PRADC1: variants seen among roughly 807,000 people sequenced by gnomAD.
PRADC1 encodes protease associated domain containing 1, also known as protease-associated domain-containing protein 1.
A neutral mutation model predicts 22.9 loss-of-function variants in PRADC1; 23 were observed. That is an observed-to-expected ratio of 1.00 (90% CI 0.72 to 1.42). PRADC1 has a LOEUF of 1.42. Among genes scored for constraint, PRADC1 ranks in the 40% most tolerant of loss-of-function variants. PRADC1 has a pLI of 0.00. For synonymous variants in PRADC1, 71 were observed against 100.3 expected (o/e 0.71, Z 1.75); for missense variants, 207 against 258.3 (o/e 0.80, Z 1.36).
At chr2:73,229,048 G>C in intron 3 of PRADC1, 86 bp from the exon 4 acceptor site, 1 of 1,183,432 alleles carries the variant, frequency 8.4e-7, no homozygotes, top group Non-Finnish European at 1.2e-6. Flanking sequence ...ATAGAAGGCA[G>C]ACTATGAAGA....
Position 73,228,873 on chromosome 2 carries a change from C to A in PRADC1, c.368G>T (p.Ser123Ile), listed in dbSNP as rs752650243. 3 of 1,613,608 alleles carry A rather than the reference C, an allele frequency of 1.9e-6. No homozygotes were observed. The South Asian group carries it at 3.3e-5, about 18-fold the overall frequency. ...GTCCTGGATCATCTCCACGTAGAAG[C>A]TGTCATTGTCAACTGCGTTGTCAGA... ...IISDNAVDND[S>I]FYVEMIQDST... Residue 123 changes from serine (S) to isoleucine (I), a missense_variant, in exon 4 of 5, where the codon AGC (serine) becomes ATC (isoleucine). Coordinates refer to ENST00000258083, the MANE Select transcript of PRADC1 (RefSeq NM_032319.3). The surrounding 1 kb of genome is among the most constrained non-coding windows in gnomAD (Gnocchi z 4.0).
Position 73,228,369 on chromosome 2 carries a change from A to G in PRADC1, c.*85T>C. 2 of 1,546,856 alleles carry G rather than the reference A, an allele frequency of 1.3e-6. No individual in the cohort carries two copies. The highest frequency in any genetic ancestry group is 1.2e-5 in the South Asian group (1 of 85,760). On this transcript the variant is annotated 3_prime_UTR_variant, in exon 5 of 5. Transcript: ENST00000258083. The surrounding 1 kb of genome is among the most constrained non-coding windows in gnomAD (Gnocchi z 4.0). ...CTGGCTCCACTTGTCCCCAGATGCT[A>G]TCTCCAAATTCCAAGTAGCAAAATT...
chr2:73,231,988 C>T (rs564496929), intron 1 of PRADC1, among the ~76,000 whole-genome samples: 9 of 152,290 alleles, frequency 5.9e-5, no homozygotes, highest in African/African-American at 1.9e-4. Context: ...TGTACCTGGA[C>T]TTGAGTCCCT....
intron 2 of PRADC1, chr2:73,229,789 C>T: frequency 1.7e-6 from 1 of 592,528 alleles, no homozygotes; most frequent in South Asian, 2.0e-5. Context: ...AGGCAGGGGA[C>T]TTGGTTGTAG....
chr2:73,228,400 G>A lies in PRADC1; in HGVS notation c.*54C>T. 1 of 1,607,162 alleles carries A rather than the reference G, an allele frequency of 6.2e-7. No individual in the cohort carries two copies. The highest frequency in any genetic ancestry group is 8.5e-7 in the Non-Finnish European group (1 of 1,176,872). On this transcript the variant is annotated 3_prime_UTR_variant, in exon 5 of 5. Transcript: ENST00000258083. This position sits in a 1 kb window ranked among gnomAD's most constrained non-coding sequence, Gnocchi z 4.0. ...AAATTCCAAGTAGCAAAATTCCTGG[G>A]TTTCCCCTTCCCAGCTCAGAGTCAC... is the stretch of plus-strand genomic sequence containing the variant.
At position 73,230,108 on chromosome 2, in the gene PRADC1, C is replaced by T. The variant is rs776348997; in HGVS notation, c.168+5G>A. Reference sequence around the variant, plus strand: ...ATCAGAGATCAGGGGCCTCCCTTAACTTACAAAGATACCACCAAAGTCCTT... The same window carrying T: ...ATCAGAGATCAGGGGCCTCCCTTAATTTACAAAGATACCACCAAAGTCCTT... On this transcript the variant is annotated splice_donor_5th_base_variant and intron_variant, in intron 2 of 4. Coordinates refer to ENST00000258083, the MANE Select transcript of PRADC1 (RefSeq NM_032319.3). The T allele has an allele frequency of 2.5e-6, 4 of 1,604,610 alleles. No individual in the cohort carries two copies. In the African/African-American group the frequency reaches 5.4e-5, roughly 21 times the overall value.
chr2:73,229,889 T>C (rs1686602165), intron 2 of PRADC1: 1 of 588,008 alleles, frequency 1.7e-6, no homozygotes, highest in South Asian at 2.1e-5. Context: ...TTTCACTTCA[T>C]GTCCCCTAAA....
intron 1 of PRADC1, among the ~76,000 whole-genome samples, chr2:73,231,222 C>T (rs1686628554): frequency 6.6e-6 from 1 of 152,176 alleles, no homozygotes; most frequent in Non-Finnish European, 1.5e-5. Context: ...CGGGTTCACG[C>T]CATTCTCCTG....
At chr2:73,229,409 G>T in intron 3 of PRADC1, 52 bp downstream of exon 3, 2 of 1,180,084 alleles carry the variant, frequency 1.7e-6, no homozygotes, top group Non-Finnish European at 2.5e-6. Context: ...AATAATCTCA[G>T]AATCTGCCGT....
At chr2:73,231,140 G>A (rs1422064744) in intron 1 of PRADC1, among the ~76,000 whole-genome samples, 1 of 152,076 alleles carries the variant, frequency 6.6e-6, no homozygotes, top group Non-Finnish European at 1.5e-5. Flanking sequence ...CTTTTTTTGA[G>A]ACGGAGTCTC....
At position 73,228,576 on chromosome 2, in the gene PRADC1, T is replaced by C; in HGVS notation, c.447-2A>G. The C allele has an allele frequency of 6.2e-7, 1 of 1,614,032 alleles. No individual in the cohort carries two copies. Among genetic ancestry groups the C allele is most frequent in the Non-Finnish European group, 8.5e-7 (1 of 1,180,028 alleles). On this transcript the variant is annotated splice_acceptor_variant, in intron 4 of 4. Transcript: ENST00000258083. LOFTEE classifies it high-confidence loss of function. The surrounding 1 kb of genome is among the most constrained non-coding windows in gnomAD (Gnocchi z 4.0). ...TCCAGAGAGCGGCGGATCATGTAGC[T>C]GGGAGGGCATGAAGAGAGGTGGTGA...
rs746121313 is a variant in PRADC1, at chr2:73,229,520, G to C, written c.219C>G (p.Ala73=). Reference sequence around the variant, plus strand: ...AGAAACCGTTGCTGAGTTCCCCGCAGGCCTCTGGAGGTTCAGCGGGGACAA... The same window carrying C: ...AGAAACCGTTGCTGAGTTCCCCGCACGCCTCTGGAGGTTCAGCGGGGACAA... ...IHLVPAEPPE[A]CGELSNGFFI... is the part of the protein sequence containing the mutation. Residue 73 remains alanine, a synonymous_variant, in exon 3 of 5, where the codon GCC becomes GCG. Coordinates refer to ENST00000258083, the MANE Select transcript of PRADC1 (RefSeq NM_032319.3). 1 of 1,614,030 alleles carries C rather than the reference G, an allele frequency of 6.2e-7. No individual in the cohort carries two copies. Among genetic ancestry groups the C allele is most frequent in the Non-Finnish European group, 8.5e-7 (1 of 1,180,016 alleles).
Position 73,229,457 on chromosome 2 carries a change from T to TCG in PRADC1, c.278+3_278+4insCG. 1 of 1,608,452 alleles carries TCG rather than the reference T, an allele frequency of 6.2e-7. No individual in the cohort carries two copies. On this transcript the variant is annotated splice_donor_region_variant and intron_variant, in intron 3 of 4. Coordinates refer to ENST00000258083, the MANE Select transcript of PRADC1 (RefSeq NM_032319.3). ...TCCTCGTGTCCTGCCTGCCCACTCCTTACCCCCTCTCCACCAGAGCAATCT... is the reference window on the plus strand; with the variant it reads ...TCCTCGTGTCCTGCCTGCCCACTCCTCGTACCCCCTCTCCACCAGAGCAATCT...
chr2:73,229,605 G>A (rs984993460), intron 2 of PRADC1, 35 bp from the exon 3 acceptor site: 18 of 1,507,538 alleles, frequency 1.2e-5, no homozygotes, highest in South Asian at 3.4e-5. Context: ...AGGTGAGAGT[G>A]TAATGAGACA....
Position 73,228,771 on chromosome 2 carries a change from A to C in PRADC1, c.446+24T>G. On this transcript the variant is annotated intron_variant, in intron 4 of 4. Coordinates refer to ENST00000258083, the MANE Select transcript of PRADC1 (RefSeq NM_032319.3). This position sits in a 1 kb window ranked among gnomAD's most constrained non-coding sequence, Gnocchi z 4.0. ...CATGGCGCCCAGCCTGGTGCTGATA[A>C]AGCCAGAGGCAAGGAGCCCTCACCC... 1.2e-6 allele frequency: 2 copies of C among 1,605,066 alleles called. No homozygotes were observed. The highest frequency in any genetic ancestry group is 2.2e-5 in the South Asian group (2 of 90,622).
At position 73,229,564 on chromosome 2, in the gene PRADC1, T is replaced by C. The variant is rs1461975220; in HGVS notation, c.175A>G (p.Arg59Gly). ...GGGACAAGGTGAATCTGCTCATACC[T>C]TGTGTGCTGAAAAACATTTAACATT... is the stretch of plus-strand genomic sequence containing the variant. The part of the protein sequence containing the change: ...AKDFGGIFHT[R>G]YEQIHLVPAE... The change falls in exon 3 of 5, where the codon AGG (arginine) becomes GGG (glycine). Residue 59 changes from arginine (R) to glycine (G), a missense_variant. By Grantham distance (125) the Arg-to-Gly change is moderately radical (BLOSUM62 -2). Coordinates refer to ENST00000258083, the MANE Select transcript of PRADC1 (RefSeq NM_032319.3). 6.2e-7 allele frequency: 1 copy of C among 1,613,410 alleles called. No individual in the cohort carries two copies.
chr2:73,230,908 T>A (rs1450429214), intron 1 of PRADC1, among the ~76,000 whole-genome samples: 1 of 152,200 alleles, frequency 6.6e-6, no homozygotes, highest in East Asian at 1.9e-4. Context: ...TGCAGGCTGT[T>A]CCCTGAGCCT....
chr2:73,233,094 C>G lies in PRADC1; in HGVS notation c.67G>C (p.Gly23Arg). 1 of 1,541,294 alleles carries G rather than the reference C, an allele frequency of 6.5e-7. No homozygotes were observed. The highest frequency in any genetic ancestry group is 8.7e-7 in the Non-Finnish European group (1 of 1,152,698). Residue 23 changes from glycine to arginine, a missense_variant and splice_region_variant, in exon 1 of 5, where the codon GGC (glycine) becomes CGC (arginine). Physicochemically the swap from Gly to Arg is moderately radical, Grantham distance 125. Coordinates refer to ENST00000258083, the MANE Select transcript of PRADC1 (RefSeq NM_032319.3). ...CGCAGTCCCACCCGTTGCCGCTCAC[C>G]GTGGGCCGCGACGCACGCGGGGAGC... ...LWLPACVAAH[G>R]FRIHDYLYFQ... is the part of the protein sequence containing the mutation.
chr2:73,232,247 G>C lies in PRADC1; in HGVS notation c.67+847C>G, dbSNP rs191187839. On this transcript the variant is annotated intron_variant, in intron 1 of 4. Coordinates refer to ENST00000258083, the MANE Select transcript of PRADC1 (RefSeq NM_032319.3). ...AGCTACTTGGGAGGCTGAGGCAGGA[G>C]AATGGCGTGAACCCGGGAGGCGGAG... 3.3e-3 allele frequency among the ~76,000 whole-genome samples: 505 copies of C among 151,846 alleles called. 2 individuals are homozygous for C. Among genetic ancestry groups the C allele is most frequent in the African/African-American group, 0.011 (437 of 41,374 alleles).
Sources: allele counts gnomAD v4.1 joint callset (sites outside exome capture counted in the v4.1 genomes callset), GRCh38; gene constraint gnomAD v4.1.1; non-coding constraint Gnocchi (gnomAD v3.1); transcripts MANE v1.5; gene names NCBI Gene and HGNC (gene_info 2026-07-23, HGNC 2026-07-21).